The following PCLO variants were observed in gnomAD, a reference collection of about 807,000 sequenced individuals.
PCLO encodes piccolo presynaptic cytomatrix protein, also known as protein piccolo.
A neutral mutation model predicts 427.5 loss-of-function variants in PCLO; 82 were observed. That is an observed-to-expected ratio of 0.19 (90% CI 0.16 to 0.23). The LOEUF is 0.23. PCLO is among the 10% of genes least tolerant of loss of function. The probability of loss-of-function intolerance (pLI) is 1.00; values close to 1 mark genes in which losing one functional copy is unlikely to be tolerated. For synonymous variants in PCLO, 2,357 were observed against 2,155.4 expected (o/e 1.09, Z -2.59); for missense variants, 6,239 against 6,115.9 (o/e 1.02, Z -0.67).
At chr7:82,806,488 TAC>T (rs1391441853) in intron 20 of PCLO, among the ~76,000 whole-genome samples, 4 of 152,190 alleles carry the variant, frequency 2.6e-5, no homozygotes, top group Non-Finnish European at 5.9e-5. Context: ...CATATTCCCA[TAC>T]AGACATTACA....
chr7:83,024,136 A>G (rs1374092418), intron 3 of PCLO, among the ~76,000 whole-genome samples: 2 of 152,182 alleles, frequency 1.3e-5, no homozygotes, highest in Admixed American at 6.5e-5. Context: ...TCCGGTCTAC[A>G]GCTCCCAGCG....
intron 10 of PCLO, among the ~76,000 whole-genome samples, chr7:82,873,046 G>A (rs1793275787): frequency 6.6e-6 from 1 of 152,022 alleles, no homozygotes; most frequent in African/African-American, 2.4e-5. Context: ...TGTGAGTTGA[G>A]GGGAGACTAC....
At chr7:82,975,036 C>CA (rs909208736) in intron 3 of PCLO, among the ~76,000 whole-genome samples, 7 of 152,106 alleles carry the variant, frequency 4.6e-5, no homozygotes, top group Non-Finnish European at 1.0e-4. Flanking sequence ...CTCAGCCTCC[C>CA]AAAGTGCTGG....
At chr7:82,807,661 T>A (rs557640613) in intron 20 of PCLO, among the ~76,000 whole-genome samples, 2 of 152,026 alleles carry the variant, frequency 1.3e-5, no homozygotes, top group Non-Finnish European at 2.9e-5. Context: ...CAAGGAATTT[T>A]TATATATATT....
chr7:83,050,869 C>T (rs1789236531), intron 3 of PCLO, among the ~76,000 whole-genome samples: 5 of 151,938 alleles, frequency 3.3e-5, no homozygotes, highest in Admixed American at 3.3e-4. Flanking sequence ...GCTGAGATTG[C>T]ACCACTGCAC....
intron 3 of PCLO, among the ~76,000 whole-genome samples, chr7:83,096,854 TATAAAA>T: frequency 1.1e-5 from 1 of 93,678 alleles, no homozygotes; most frequent in South Asian, 2.6e-4. Flanking sequence ...TATAAATATA[TATAAAA>T]ATATATTATA....
At chr7:83,098,129 T>C (rs1167915688) in intron 3 of PCLO, among the ~76,000 whole-genome samples, 3 of 152,032 alleles carry the variant, frequency 2.0e-5, no homozygotes, top group African/African-American at 7.2e-5. Flanking sequence ...TATATGGATG[T>C]CAAACTCTTC....
chr7:82,759,734 T>A (rs1790391457), intron 24 of PCLO, among the ~76,000 whole-genome samples: 1 of 151,876 alleles, frequency 6.6e-6, no homozygotes, highest in Non-Finnish European at 1.5e-5. Flanking sequence ...CTTCCTATAT[T>A]TTTTTCTCTT....
At chr7:82,810,634 T>G (rs1289619323) in intron 20 of PCLO, among the ~76,000 whole-genome samples, 2 of 151,788 alleles carry the variant, frequency 1.3e-5, no homozygotes. Flanking sequence ...CAATTCAATC[T>G]GTTTTAAATT....
intron 15 of PCLO, among the ~76,000 whole-genome samples, chr7:82,837,606 T>A (rs1020182483): frequency 5.9e-5 from 9 of 151,990 alleles, no homozygotes; most frequent in African/African-American, 2.2e-4. Flanking sequence ...GTTAAATATC[T>A]CCAAAGAACA....
chr7:82,815,541 T>C (rs1791661548), intron 20 of PCLO, among the ~76,000 whole-genome samples: 1 of 152,170 alleles, frequency 6.6e-6, no homozygotes, highest in African/African-American at 2.4e-5. Context: ...GTGTGATCTA[T>C]AGAACTTGAA....
chr7:83,147,504 A>G (rs1792025182), intron 2 of PCLO, among the ~76,000 whole-genome samples: 1 of 152,152 alleles, frequency 6.6e-6, no homozygotes, highest in African/African-American at 2.4e-5. Flanking sequence ...GGACCAGTTA[A>G]AGCATACATG....
At chr7:83,130,157 G>A (rs564085728) in intron 3 of PCLO, among the ~76,000 whole-genome samples, 1 of 151,914 alleles carries the variant, frequency 6.6e-6, no homozygotes, top group African/African-American at 2.4e-5. Context: ...TGTTGTTGTT[G>A]TTGTTATTAT....
intron 3 of PCLO, among the ~76,000 whole-genome samples, chr7:82,990,809 A>G (rs543340104): frequency 4.6e-5 from 7 of 152,238 alleles, no homozygotes; most frequent in African/African-American, 7.2e-5. Flanking sequence ...TATAGCATAT[A>G]AACTGGGAAA....
chr7:82,909,744 T>G (rs186613336), intron 7 of PCLO, among the ~76,000 whole-genome samples: 138 of 152,238 alleles, frequency 9.1e-4, no homozygotes, highest in African/African-American at 2.7e-3. Flanking sequence ...CATGATTACG[T>G]AGTAGCCTAA....
At chr7:82,824,485 T>C (rs1157066069) in intron 18 of PCLO, 69 bp from the exon 19 acceptor site, 4 of 1,002,270 alleles carry the variant, frequency 4.0e-6, no homozygotes, top group Non-Finnish European at 5.9e-6. Context: ...ACTTTTTCTA[T>C]GTTCTAAAAT....
chr7:82,950,275 T>A lies in PCLO; in HGVS notation c.10313A>T (p.Lys3438Ile). The A allele has an allele frequency of 1.2e-6, 2 of 1,613,440 alleles. No homozygotes were observed. The highest frequency in any genetic ancestry group is 1.7e-6 in the Non-Finnish European group (2 of 1,179,806). ...ENMTDDPRSF[K>I]KIVDSGVQTD... ...TTGTACACCACTGTCCACTATCTTT[T>A]TAAAACTTCGGGGATCATCTGTCAT... is the stretch of plus-strand genomic sequence containing the variant. Residue 3438 changes from lysine (K) to isoleucine (I), a missense_variant, in exon 6 of 25, where the codon AAA (lysine) becomes ATA (isoleucine). Transcript: ENST00000333891.
intron 3 of PCLO, among the ~76,000 whole-genome samples, chr7:82,971,997 C>A (rs1217351780): frequency 6.6e-6 from 1 of 151,444 alleles, no homozygotes; most frequent in Non-Finnish European, 1.5e-5. Context: ...TAAATATAAA[C>A]AAACTCAGAG....
intron 3 of PCLO, among the ~76,000 whole-genome samples, chr7:83,041,295 C>T (rs1210337923): frequency 6.6e-6 from 1 of 152,032 alleles, no homozygotes; most frequent in Non-Finnish European, 1.5e-5. Flanking sequence ...AGAAAATGAG[C>T]CTGCAGTTTA....
Sources: gnomAD v4.1 joint callset for allele counts (sites outside exome capture counted in the v4.1 genomes callset) on GRCh38, gnomAD v4.1.1 for gene constraint, MANE v1.5 for transcripts, NCBI Gene and HGNC (gene_info 2026-07-23, HGNC 2026-07-21) for gene names.